The following PDE10A variants were observed in gnomAD, a reference collection of about 807,000 sequenced individuals.
PDE10A encodes phosphodiesterase 10A.
In PDE10A, 39 loss-of-function variants were observed where a neutral mutation model predicts 97.7. The observed-to-expected ratio is 0.40, with a 90% CI of 0.31 to 0.52. The LOEUF (loss-of-function observed/expected upper bound fraction) is 0.52. Among genes scored for constraint, PDE10A ranks in the 20% least tolerant of loss-of-function variants. The probability of loss-of-function intolerance (pLI) is 0.56; values close to 1 mark genes in which losing one functional copy is unlikely to be tolerated. For synonymous variants in PDE10A, 371 were observed against 376.8 expected (o/e 0.98, Z 0.18); for missense variants, 731 against 1,047.8 (o/e 0.70, Z 4.17).
chr6:165,906,722 G>A (rs1782295820), intron 1 of PDE10A, among the ~76,000 whole-genome samples: 1 of 152,294 alleles, frequency 6.6e-6, no homozygotes, highest in African/African-American at 2.4e-5. Context: ...GAATAGGAGA[G>A]GTGCTTAGGG....
chr6:165,386,234 T>C (rs58724322), intron 17 of PDE10A, among the ~76,000 whole-genome samples: 31,845 of 152,074 alleles, frequency 0.21, 4,277 homozygotes, highest in African/African-American at 0.37. Flanking sequence ...CTTCCTAGGG[T>C]TTAGGTGGAC....
At chr6:165,706,434 T>C (rs916551597) in intron 1 of PDE10A, among the ~76,000 whole-genome samples, 2 of 152,204 alleles carry the variant, frequency 1.3e-5, no homozygotes, top group African/African-American at 4.8e-5. Context: ...GTCAATCCAT[T>C]TGTGTTCTGA....
In PDE10A at chr6:165,336,211, G is replaced by A. The variant is rs1281038695; in HGVS notation, c.2977C>T (p.Leu993Phe). The change falls in exon 21 of 22, where the codon CTT (leucine) becomes TTT (phenylalanine). Residue 993 changes from leucine (L) to phenylalanine (F), a missense_variant and splice_region_variant. Physicochemically the swap from Leu to Phe is conservative, Grantham distance 22. This residue lies in a region of PDE10A where 96 missense variants were observed against 156.7 expected (regional missense o/e 0.61). Transcript: ENST00000539869. ...ATGGCCACGGCATTGTAGAACCCAA[G>A]CTGCCTCCATGCAAAAACCACGGAC... is the stretch of plus-strand genomic sequence containing the variant. ...DKKDEVPQGQ[L>F]GFYNAVAIPC... 1 of 1,612,816 alleles carries A rather than the reference G, an allele frequency of 6.2e-7. No individual in the cohort carries two copies. Among genetic ancestry groups the A allele is most frequent in the Non-Finnish European group, 8.5e-7 (1 of 1,178,966 alleles).
chr6:165,650,987 C>T (rs568957710), intron 1 of PDE10A, among the ~76,000 whole-genome samples: 11 of 152,318 alleles, frequency 7.2e-5, no homozygotes, highest in South Asian at 2.1e-4. Flanking sequence ...CCACCCACCT[C>T]GGCCTCCCAA....
chr6:165,811,840 G>A (rs1484657547), intron 1 of PDE10A, among the ~76,000 whole-genome samples: 1 of 152,094 alleles, frequency 6.6e-6, no homozygotes, highest in Non-Finnish European at 1.5e-5. Context: ...CCACAAGCCA[G>A]TGTCTTTTAT....
At chr6:165,864,178 GA>G (rs11295942) in intron 1 of PDE10A, among the ~76,000 whole-genome samples, 109,614 of 151,400 alleles carry the variant, frequency 0.72, 40,029 homozygotes, top group East Asian at 0.96. Flanking sequence ...TCCTTTATAA[GA>G]AAAAAAAAAT....
rs1780776831 is a variant in PDE10A at position 165,857,614 on chromosome 6, GAAGC to G, written c.-615+129911_-615+129914del. ...AGGGGGTGGCTTATGCAGAAGCTGAGAAGCTGAGGACAAGGCACTTTGAAAGGAG... is the reference window on the plus strand; with the variant it reads ...AGGGGGTGGCTTATGCAGAAGCTGAGTGAGGACAAGGCACTTTGAAAGGAG... On this transcript the variant is annotated intron_variant, in intron 1 of 19. Transcript: ENST00000366882. Among the ~76,000 whole-genome samples, 14 of 151,952 alleles carry G rather than the reference GAAGC, an allele frequency of 9.2e-5. No individual in the cohort carries two copies. In the South Asian group the frequency reaches 2.9e-3, roughly 32 times the overall value.
chr6:165,485,953 G>A (rs1483804366), intron 2 of PDE10A, among the ~76,000 whole-genome samples: 1 of 152,228 alleles, frequency 6.6e-6, no homozygotes, highest in Admixed American at 6.5e-5. Context: ...TTTACTGTTG[G>A]TGAAGAGTTG....
At chr6:165,729,942 C>T (rs968928548) in intron 1 of PDE10A, among the ~76,000 whole-genome samples, 2 of 152,034 alleles carry the variant, frequency 1.3e-5, no homozygotes, top group African/African-American at 4.8e-5. Flanking sequence ...TTGACTGCAA[C>T]GGAAAGACTT....
At position 165,328,348 on chromosome 6, in the gene PDE10A, CCTAA is replaced by C. The variant is rs1781160017; in HGVS notation, c.*4673_*4676del. 1 of 152,174 alleles carries C rather than the reference CCTAA, an allele frequency of 6.6e-6. No homozygotes were observed. The highest frequency in any genetic ancestry group is 2.4e-5 in the African/African-American group (1 of 41,442). The allele number at this position is 152,174 out of a possible 1,614,324, so 9.4% of individuals were successfully genotyped here. The stretch of plus-strand genomic sequence containing the variant: ...AGTATCAGATTATACACTTTTAGAA[CCTAA>C]CTTACAATAGAAACAAAACCCTTCT... On this transcript the variant is annotated 3_prime_UTR_variant, in exon 22 of 22. Transcript: ENST00000539869.
At chr6:165,930,294 G>A (rs1783092277) in intron 1 of PDE10A, among the ~76,000 whole-genome samples, 1 of 152,182 alleles carries the variant, frequency 6.6e-6, no homozygotes, top group East Asian at 1.9e-4. Flanking sequence ...TCACCTCCAT[G>A]GAGCTGCCAA....
intron 1 of PDE10A, among the ~76,000 whole-genome samples, chr6:165,966,612 C>T (rs1784519274): frequency 6.6e-6 from 1 of 152,214 alleles, no homozygotes; most frequent in Non-Finnish European, 1.5e-5. Flanking sequence ...GACTCAGAAA[C>T]AACTCTTCAC....
chr6:165,403,918 A>G (rs1223216639), intron 13 of PDE10A, among the ~76,000 whole-genome samples: 2 of 152,110 alleles, frequency 1.3e-5, no homozygotes, highest in African/African-American at 4.8e-5. Flanking sequence ...ATTCCTTTTT[A>G]CGGCTGAATA....
intron 5 of PDE10A, among the ~76,000 whole-genome samples, chr6:165,440,601 A>G (rs1256852118): frequency 2.6e-5 from 4 of 152,212 alleles, no homozygotes; most frequent in Non-Finnish European, 4.4e-5. Context: ...GTCATTACCC[A>G]TAAGAGACCT....
chr6:165,786,492 A>G (rs1160113866), intron 1 of PDE10A, among the ~76,000 whole-genome samples: 1 of 152,254 alleles, frequency 6.6e-6, no homozygotes, highest in Non-Finnish European at 1.5e-5. Context: ...TGAGGGGTAA[A>G]GAAGCATTTC....
intron 1 of PDE10A, among the ~76,000 whole-genome samples, chr6:165,968,227 A>C (rs374643229): frequency 4.6e-4 from 70 of 152,350 alleles, no homozygotes; most frequent in African/African-American, 1.5e-3. Context: ...ATTAGCGAAG[A>C]GTATTGTGCA....
chr6:165,982,454 C>A (rs1023848283), intron 1 of PDE10A, among the ~76,000 whole-genome samples: 2 of 152,154 alleles, frequency 1.3e-5, no homozygotes, highest in Non-Finnish European at 2.9e-5. Context: ...GAGGTTAAAA[C>A]TAGAAGACAA....
At chr6:165,918,269 C>T (rs1010958740) in intron 1 of PDE10A, among the ~76,000 whole-genome samples, 2 of 152,050 alleles carry the variant, frequency 1.3e-5, no homozygotes, top group African/African-American at 4.8e-5. Flanking sequence ...TCATATGTGC[C>T]CTCCCTCTCC....
rs1793193579 is a variant in PDE10A, at chr6:165,759,138, T to C, written c.-614-215570A>G. ...TGAGATCCGCTACTTTAAACAGTTTTTTTGAGATAATATGAGGGACTCTTT... is the reference window on the plus strand; with the variant it reads ...TGAGATCCGCTACTTTAAACAGTTTCTTTGAGATAATATGAGGGACTCTTT... On this transcript the variant is annotated intron_variant, in intron 1 of 19. Coordinates refer to the PDE10A transcript ENST00000366882. Among the ~76,000 whole-genome samples, 3 of 152,266 alleles carry C rather than the reference T, an allele frequency of 2.0e-5. No homozygotes were observed. The South Asian group carries it at 6.2e-4, about 32-fold the overall frequency.
Sources: gnomAD v4.1 joint callset for allele counts (sites outside exome capture counted in the v4.1 genomes callset) on GRCh38, gnomAD v4.1.1 for gene constraint, gnomAD v4.1.1 regional missense constraint, MANE v1.5 for transcripts, NCBI Gene and HGNC (gene_info 2026-07-23, HGNC 2026-07-21) for gene names.